The following HERC1 variants were observed in gnomAD, a reference collection of about 807,000 sequenced individuals.
HERC1 encodes probable E3 ubiquitin-protein ligase HERC1.
Under a neutral mutation model 554.3 loss-of-function variants are expected in HERC1, and 160 were observed. The observed-to-expected ratio is 0.29, with a 90% CI of 0.25 to 0.33. HERC1 has a LOEUF of 0.33. Ranked by LOEUF, HERC1 falls within the 10% of genes least tolerant of loss-of-function variation. The probability of loss-of-function intolerance (pLI) is 1.00; values close to 1 mark genes in which losing one functional copy is unlikely to be tolerated. For missense variants in HERC1, 4,919 were observed against 5,918.5 expected (o/e 0.83, Z 5.54); for synonymous variants, 2,175 against 2,131.7 (o/e 1.02, Z -0.56).
chr15:63,721,333 T>C (rs1433634239), intron 19 of HERC1, among the ~76,000 whole-genome samples: 1 of 152,026 alleles, frequency 6.6e-6, no homozygotes, highest in Non-Finnish European at 1.5e-5. Context: ...AGACCAGCCA[T>C]GGCCAACATG....
chr15:63,745,968 C>T (rs2075039426), intron 12 of HERC1, among the ~76,000 whole-genome samples: 1 of 152,142 alleles, frequency 6.6e-6, no homozygotes, highest in South Asian at 2.1e-4. Flanking sequence ...TTTGTCTTTT[C>T]AAAGAACAAA....
intron 34 of HERC1, among the ~76,000 whole-genome samples, chr15:63,683,135 CAAA>C (rs1336396917): frequency 1.3e-5 from 1 of 77,732 alleles, no homozygotes; most frequent in African/African-American, 5.4e-5. Flanking sequence ...CACTCTGTCT[CAAA>C]AAAAAAAAAA....
At chr15:63,752,586 C>T (rs1157276707) in intron 8 of HERC1, 1 of 160,168 alleles carries the variant, frequency 6.2e-6, no homozygotes, top group Non-Finnish European at 1.4e-5. Context: ...TCTCTTTACC[C>T]TCCTTTTTGA....
At position 63,663,216 on chromosome 15, in the gene HERC1, AC is replaced by A. The variant is rs763112515; in HGVS notation, c.8681-13del. On this transcript the variant is annotated splice_polypyrimidine_tract_variant and intron_variant, in intron 43 of 77. Transcript: ENST00000443617. ...GCGGTATAATCCCGCTCAGAACAAA[AC>A]AAAAAAGGCATTTTATTTGCATGCA... 6.2e-7 allele frequency: 1 copy of A among 1,601,632 alleles called. No homozygotes were observed. The highest frequency in any genetic ancestry group is 1.3e-5 in the African/African-American group (1 of 74,378).
chr15:63,802,967 C>T (rs1037704969), intron 1 of HERC1, among the ~76,000 whole-genome samples: 2 of 152,080 alleles, frequency 1.3e-5, no homozygotes, highest in African/African-American at 4.8e-5. Context: ...CCCAACACTT[C>T]GGGAGGCCAA....
At chr15:63,710,998 A>T (rs1441590774) in intron 24 of HERC1, among the ~76,000 whole-genome samples, 1 of 152,172 alleles carries the variant, frequency 6.6e-6, no homozygotes, top group African/African-American at 2.4e-5. Context: ...TCATTGCAGG[A>T]CTCTGAGCAG....
chr15:63,749,415 G>A lies in HERC1; in HGVS notation c.2171C>T (p.Ser724Leu), dbSNP rs1267494510. ...TGCCAGACTATGTGATGTTCCAGCC[G>A]AAATCTGCTGAATAGCTATGCCATC... The part of the protein sequence containing the change: ...GLDGIAIQQI[S>L]AGTSHSLAWT... Residue 724 changes from serine (S) to leucine (L), a missense_variant, in exon 10 of 78, where the codon TCG becomes TTG. Ser to Leu is a moderately radical substitution (Grantham distance 145, BLOSUM62 -2). Around this residue, in one of 11 missense-constraint regions of HERC1, gnomAD observed 744 missense variants for 1,090.0 expected, o/e 0.68. Transcript: ENST00000443617. The surrounding 1 kb of genome is among the most constrained non-coding windows in gnomAD (Gnocchi z 4.1). The A allele has an allele frequency of 1.9e-6, 3 of 1,613,420 alleles. No individual in the cohort carries two copies. Among genetic ancestry groups the A allele is most frequent in the Admixed American group, 1.7e-5 (1 of 59,952 alleles).
intron 71 of HERC1, among the ~76,000 whole-genome samples, chr15:63,625,730 G>A (rs924175118): frequency 1.3e-5 from 2 of 151,000 alleles, no homozygotes; most frequent in African/African-American, 4.9e-5. Flanking sequence ...GGTATGTGTA[G>A]TATGCGTAGC....
At position 63,830,805 on chromosome 15, in the gene HERC1, T is replaced by C. The variant is rs956744463; in HGVS notation, c.-27+3022A>G. 2.0e-5 allele frequency among the ~76,000 whole-genome samples: 3 copies of C among 152,290 alleles called. No homozygotes were observed. The East Asian group carries it at 5.8e-4, about 29-fold the overall frequency. On this transcript the variant is annotated intron_variant, in intron 1 of 77. Transcript: ENST00000443617. ...CATATCTTCTTGCTCAAGGATCTCA[T>C]CTGAAATTTAACAGTCCCATTAATT...
At chr15:63,824,150 A>T (rs997608703) in intron 1 of HERC1, among the ~76,000 whole-genome samples, 2 of 152,158 alleles carry the variant, frequency 1.3e-5, no homozygotes, top group Non-Finnish European at 2.9e-5. Context: ...AGTGTTGATG[A>T]GGGAGTGGGG....
At chr15:63,623,461 T>C (rs1375639351) in intron 73 of HERC1, among the ~76,000 whole-genome samples, 1 of 152,250 alleles carries the variant, frequency 6.6e-6, no homozygotes, top group Non-Finnish European at 1.5e-5. Flanking sequence ...ATTGTTATTC[T>C]GCCAATATTA....
intron 33 of HERC1, 22 bp from the exon 34 acceptor site, chr15:63,686,557 C>T (rs955116495): frequency 6.2e-6 from 10 of 1,603,670 alleles, no homozygotes; most frequent in Non-Finnish European, 8.5e-6. Context: ...GAAGCTGGGT[C>T]AGCATTTTGG....
In HERC1 at chr15:63,663,112, T is replaced by C; in HGVS notation, c.8773A>G (p.Asn2925Asp). The C allele has an allele frequency of 6.2e-7, 1 of 1,613,964 alleles. No homozygotes were observed. The highest frequency in any genetic ancestry group is 2.2e-5 in the East Asian group (1 of 44,886). Reference sequence around the variant, plus strand: ...TCAATTTCCAATTCCTCATCTAAATTAAAGTCATACAACGCCCCTGGGTCT... The same window carrying C: ...TCAATTTCCAATTCCTCATCTAAATCAAAGTCATACAACGCCCCTGGGTCT... ...QQDPGALYDFNLDEELEIDLD... is the reference protein window; with the variant it reads ...QQDPGALYDFDLDEELEIDLD... The change falls in exon 44 of 78, where the codon AAT becomes GAT. Residue 2925 changes from asparagine to aspartate, a missense_variant. Asn to Asp is a conservative substitution (Grantham distance 23). Transcript: ENST00000443617.
intron 1 of HERC1, among the ~76,000 whole-genome samples, chr15:63,799,777 C>G (rs2076920854): frequency 6.6e-6 from 1 of 152,036 alleles, no homozygotes; most frequent in Non-Finnish European, 1.5e-5. Flanking sequence ...TGCAGAGAAC[C>G]CAGAAAGGAG....
At chr15:63,633,723 C>G in intron 67 of HERC1, 125 bp downstream of exon 67, 3 of 977,184 alleles carry the variant, frequency 3.1e-6, no homozygotes, top group Non-Finnish European at 4.5e-6. Context: ...ACAACAGAAG[C>G]TTCTAAACTT....
At chr15:63,647,424 T>C (rs878982467) in intron 55 of HERC1, among the ~76,000 whole-genome samples, 1 of 152,064 alleles carries the variant, frequency 6.6e-6, no homozygotes, top group Admixed American at 6.5e-5. Flanking sequence ...GTACAAACTC[T>C]ATAGAAAACA....
intron 1 of HERC1, among the ~76,000 whole-genome samples, chr15:63,790,131 A>C (rs2076594271): frequency 6.6e-6 from 1 of 152,184 alleles, no homozygotes; most frequent in Non-Finnish European, 1.5e-5. Flanking sequence ...CATTGCCATG[A>C]GGGCTACATG....
At chr15:63,765,740 T>G (rs1014557124) in intron 2 of HERC1, among the ~76,000 whole-genome samples, 7 of 152,208 alleles carry the variant, frequency 4.6e-5, no homozygotes, top group African/African-American at 1.7e-4. Context: ...ATGTACTGAT[T>G]GATATATTAT....
At chr15:63,807,741 T>C (rs941649570) in intron 1 of HERC1, among the ~76,000 whole-genome samples, 6 of 152,182 alleles carry the variant, frequency 3.9e-5, no homozygotes, top group African/African-American at 1.4e-4. Flanking sequence ...CAGGTAGGAA[T>C]TCCTACCAAT....
Sources: allele counts gnomAD v4.1 joint callset (sites outside exome capture counted in the v4.1 genomes callset), GRCh38; gene constraint gnomAD v4.1.1; regional missense constraint gnomAD v4.1.1; non-coding constraint Gnocchi (gnomAD v3.1); transcripts MANE v1.5; gene names NCBI Gene and HGNC (gene_info 2026-07-23, HGNC 2026-07-21).